The following PCDHA10 variants were observed in gnomAD, a reference collection of about 807,000 sequenced individuals.
PCDHA10 encodes protocadherin alpha-10.
PCDHA10 carries 45 observed loss-of-function variants against 61.2 expected under a neutral mutation model. The observed-to-expected ratio is 0.74, with a 90% CI of 0.58 to 0.94. PCDHA10 has a LOEUF of 0.94. Ranked by LOEUF, PCDHA10 falls within the 40% of genes least tolerant of loss-of-function variation. The pLI, the probability that PCDHA10 is intolerant of heterozygous loss-of-function variation, is 0.00. For synonymous variants in PCDHA10, 602 were observed against 548.8 expected, an observed-to-expected ratio of 1.10 and a Z score of -1.35; for missense variants, 1,278 against 1,236.2, an observed-to-expected ratio of 1.03 and a Z score of -0.51.
rs183321523 is a variant in PCDHA10 at position 140,948,382 on chromosome 5, A to G, written c.2389-30567A>G. Among the ~76,000 whole-genome samples the G allele has an allele frequency of 1.2e-3, 182 of 151,516 alleles. 1 individual carries two copies. Among genetic ancestry groups the G allele is most frequent in the African/African-American group, 3.9e-3 (163 of 41,496 alleles). ...TGACTTAGGAGGTGTTCCTTCCTCT[A>G]TTTTCTGAAAGGTTGTGTAATATTG... On this transcript the variant is annotated intron_variant, in intron 1 of 3. Coordinates refer to ENST00000307360, the MANE Select transcript of PCDHA10 (RefSeq NM_018901.4).
intron 1 of PCDHA10, among the ~76,000 whole-genome samples, chr5:140,899,127 C>G (rs1487430888): frequency 2.0e-4 from 30 of 152,302 alleles, no homozygotes; most frequent in African/African-American, 7.0e-4. Context: ...ACAATCATGT[C>G]TTCTGCAAAC....
chr5:140,942,157 T>C (rs2093241169), intron 1 of PCDHA10, among the ~76,000 whole-genome samples: 1 of 152,236 alleles, frequency 6.6e-6, no homozygotes, highest in Non-Finnish European at 1.5e-5. Context: ...TAAAACAGCT[T>C]CCATATTTCT....
At chr5:140,969,765 G>T (rs1445266469) in intron 1 of PCDHA10, among the ~76,000 whole-genome samples, 5 of 152,148 alleles carry the variant, frequency 3.3e-5, no homozygotes, top group Non-Finnish European at 7.3e-5. Flanking sequence ...AAGCTCTGAG[G>T]CCTCTAGGGG....
chr5:140,870,675 C>G, intron 1 of PCDHA10: 1 of 1,612,672 alleles, frequency 6.2e-7, no homozygotes, highest in Non-Finnish European at 8.5e-7. Context: ...CGTTGGACCA[C>G]GAGGAGCTGG....
intron 3 of PCDHA10, among the ~76,000 whole-genome samples, chr5:140,989,525 GAGGA>G (rs2097345403): frequency 6.6e-6 from 1 of 152,218 alleles, no homozygotes; most frequent in African/African-American, 2.4e-5. Flanking sequence ...GAGGGCAGAG[GAGGA>G]AGATAGTTTG....
At chr5:140,924,588 T>C (rs2081910916) in intron 1 of PCDHA10, among the ~76,000 whole-genome samples, 1 of 152,212 alleles carries the variant, frequency 6.6e-6, no homozygotes, top group East Asian at 1.9e-4. Context: ...TCAAATATTA[T>C]AGAAATATGC....
chr5:140,871,487 C>A, intron 1 of PCDHA10: 1 of 1,591,808 alleles, frequency 6.3e-7, no homozygotes, highest in South Asian at 1.1e-5. Flanking sequence ...TCAAATCACC[C>A]CGGACAGGTG....
At chr5:140,911,909 C>G (rs113000456) in intron 1 of PCDHA10, among the ~76,000 whole-genome samples, 17,713 of 152,106 alleles carry the variant, frequency 0.12, 1,155 homozygotes, top group Middle Eastern at 0.19. Flanking sequence ...TCAGAGCTCT[C>G]TAGAGGACAG....
intron 1 of PCDHA10, chr5:140,876,955 G>T (rs782751017): frequency 1.3e-5 from 21 of 1,613,390 alleles, no homozygotes; most frequent in Non-Finnish European, 1.7e-5. Context: ...CTACTCGCTG[G>T]TGGAGCGGCG....
chr5:140,857,705 T>C lies in PCDHA10; in HGVS notation c.1657T>C (p.Phe553Leu). ...GGGCAGCAACTTGACGCTGCAGGTG[T>C]TCGTGCTGGACGAGAACGACAACGC... ...PLGSNLTLQVFVLDENDNAPA... is the reference protein window; with the variant it reads ...PLGSNLTLQVLVLDENDNAPA... Residue 553 changes from phenylalanine (F) to leucine (L), a missense_variant, in exon 1 of 4, where the codon TTC (phenylalanine) becomes CTC (leucine). Phe to Leu is a conservative substitution (Grantham distance 22, BLOSUM62 0). Transcript: ENST00000307360. The C allele has an allele frequency of 6.3e-7, 1 of 1,597,138 alleles. No homozygotes were observed. The highest frequency in any genetic ancestry group is 8.6e-7 in the Non-Finnish European group (1 of 1,167,678).
chr5:140,875,952 G>A (rs782164384), intron 1 of PCDHA10: 2 of 1,614,102 alleles, frequency 1.2e-6, no homozygotes, highest in South Asian at 2.2e-5. Flanking sequence ...CTTCTGATGC[G>A]GATATCGGCG....
intron 1 of PCDHA10, chr5:140,861,416 C>A (rs1053647411): frequency 8.4e-6 from 4 of 476,934 alleles, no homozygotes; most frequent in African/African-American, 6.0e-5. Context: ...TGATACCGCG[C>A]CTGTTTCAGT....
In PCDHA10 at chr5:141,011,716, A is replaced by G. The variant is rs975588316; in HGVS notation, c.*1779A>G. 6.5e-6 allele frequency: 1 copy of G among 153,764 alleles called. No homozygotes were observed. Among genetic ancestry groups the G allele is most frequent in the African/African-American group, 2.4e-5 (1 of 41,450 alleles). 9.5% of individuals were successfully genotyped at this position (153,764 alleles called of 1,614,324 possible). On this transcript the variant is annotated 3_prime_UTR_variant, in exon 4 of 4. Transcript: ENST00000307360. Reference sequence around the variant, plus strand: ...TTGGAATGAATACTGACAATATTCCATGAGGGTGTGCAAGCACAAATTTTA... The same window carrying G: ...TTGGAATGAATACTGACAATATTCCGTGAGGGTGTGCAAGCACAAATTTTA...
chr5:140,972,505 T>C (rs2096539361), intron 1 of PCDHA10, among the ~76,000 whole-genome samples: 1 of 152,100 alleles, frequency 6.6e-6, no homozygotes, highest in African/African-American at 2.4e-5. Flanking sequence ...GTTGGTAGAT[T>C]TTACCCCCAG....
intron 1 of PCDHA10, among the ~76,000 whole-genome samples, chr5:140,909,911 A>T (rs747486870): frequency 1.3e-5 from 2 of 152,144 alleles, no homozygotes; most frequent in Non-Finnish European, 2.9e-5. Flanking sequence ...AATGGCAATC[A>T]TTTCCCTTTC....
intron 1 of PCDHA10, chr5:140,882,737 G>A (rs1375859660): frequency 6.2e-7 from 1 of 1,614,090 alleles, no homozygotes; most frequent in Admixed American, 1.7e-5. Flanking sequence ...ACTAGATGGC[G>A]CATCCGATGC....
At position 140,883,732 on chromosome 5, in the gene PCDHA10, G is replaced by T. The variant is rs17844355; in HGVS notation, c.2388+25296G>T. The stretch of plus-strand genomic sequence containing the variant: ...AGGACGCGGACGCACAGGAGAACGC[G>T]CTGGTCTCCTACTCGCTGGTGGAGC... On this transcript the variant is annotated intron_variant, in intron 1 of 3. Transcript: ENST00000307360. The T allele has an allele frequency of 3.9e-4, 630 of 1,613,452 alleles. 2 individuals are homozygous for T. The East Asian group carries it at 0.013, about 33-fold the overall frequency.
rs782445424 is a variant in PCDHA10 at position 140,856,260 on chromosome 5, G to T, written c.212G>T (p.Gly71Val). The change falls in exon 1 of 4, where the codon GGG becomes GTG. Residue 71 changes from glycine (G) to valine (V), a missense_variant. Physicochemically the swap from Gly to Val is moderately radical, Grantham distance 109. Transcript: ENST00000307360. ...TTCCGGGTGGCGTCCAAAAGACACG[G>T]GGACCTTCTGGAGGTAAATCTGCAG... ...RLFRVASKRH[G>V]DLLEVNLQNG... The T allele has an allele frequency of 6.3e-7, 1 of 1,598,174 alleles. No individual in the cohort carries two copies. Among genetic ancestry groups the T allele is most frequent in the Non-Finnish European group, 8.6e-7 (1 of 1,167,922 alleles).
At chr5:140,860,361 A>G (rs2046358077) in intron 1 of PCDHA10, 2 of 152,182 alleles carry the variant, frequency 1.3e-5, no homozygotes, top group African/African-American at 4.8e-5. Flanking sequence ...AGCCTGGATG[A>G]CAAAGTGAGA....
Sources: allele counts gnomAD v4.1 joint callset (sites outside exome capture counted in the v4.1 genomes callset), GRCh38; gene constraint gnomAD v4.1.1; transcripts MANE v1.5; gene names NCBI Gene and HGNC (gene_info 2026-07-23, HGNC 2026-07-21).